SGCZ: variants seen among roughly 807,000 people sequenced by gnomAD.
SGCZ encodes the protein sarcoglycan zeta.
Under a neutral mutation model 41.3 loss-of-function variants are expected in SGCZ, and 40 were observed. The ratio of observed to expected loss-of-function variants is 0.97; its 90% confidence interval spans 0.75 to 1.26. The LOEUF (loss-of-function observed/expected upper bound fraction) is 1.26, where lower values mean the gene tolerates loss of function less well. SGCZ is among the 50% of genes most tolerant of loss of function. The probability of loss-of-function intolerance (pLI) is 0.00; values close to 1 mark genes in which losing one functional copy is unlikely to be tolerated. For synonymous variants in SGCZ, 206 were observed against 137.5 expected (o/e 1.50, Z -3.49); for missense variants, 552 against 369.8 (o/e 1.49, Z -4.04).
intron 1 of SGCZ, among the ~76,000 whole-genome samples, chr8:14,776,922 G>T (rs1800421638): frequency 6.6e-6 from 1 of 152,168 alleles, no homozygotes; most frequent in African/African-American, 2.4e-5. Context: ...ACAATCCCTT[G>T]ATGTATACCA....
intron 1 of SGCZ, among the ~76,000 whole-genome samples, chr8:14,769,700 G>A (rs752907883): frequency 6.7e-5 from 10 of 149,518 alleles, no homozygotes; most frequent in Non-Finnish European, 1.3e-4. Flanking sequence ...GCTGAGTCAG[G>A]AGAATCATCA....
intron 1 of SGCZ, among the ~76,000 whole-genome samples, chr8:14,941,880 T>A (rs1322539931): frequency 6.6e-6 from 1 of 151,588 alleles, no homozygotes; most frequent in African/African-American, 2.4e-5. Flanking sequence ...ATATTTTATA[T>A]ATATGTTATA....
At chr8:15,229,653 G>T (rs1249842779) in intron 1 of SGCZ, among the ~76,000 whole-genome samples, 1 of 152,168 alleles carries the variant, frequency 6.6e-6, no homozygotes, top group Non-Finnish European at 1.5e-5. Flanking sequence ...TTATTTCCTT[G>T]AATTAGTTTC....
intron 2 of SGCZ, among the ~76,000 whole-genome samples, chr8:14,398,545 G>T (rs1798981355): frequency 6.6e-6 from 1 of 152,124 alleles, no homozygotes; most frequent in Non-Finnish European, 1.5e-5. Context: ...GTTTATTTGG[G>T]GTAAGGTTGA....
intron 1 of SGCZ, among the ~76,000 whole-genome samples, chr8:14,717,227 A>G (rs1480913409): frequency 6.6e-6 from 1 of 152,130 alleles, no homozygotes; most frequent in Non-Finnish European, 1.5e-5. Flanking sequence ...ATCAATAATT[A>G]TTTTATATTT....
At chr8:14,671,034 C>T (rs1808083714) in intron 1 of SGCZ, among the ~76,000 whole-genome samples, 1 of 152,186 alleles carries the variant, frequency 6.6e-6, no homozygotes, top group Non-Finnish European at 1.5e-5. Flanking sequence ...TGTGCTGAAG[C>T]TTTGGTTGGG....
chr8:14,637,718 A>G (rs1806880982), intron 1 of SGCZ, among the ~76,000 whole-genome samples: 1 of 151,666 alleles, frequency 6.6e-6, no homozygotes, highest in Non-Finnish European at 1.5e-5. Context: ...TATCTAACCC[A>G]CTGTCAATGA....
chr8:14,722,993 G>T (rs562785724), intron 1 of SGCZ, among the ~76,000 whole-genome samples: 3 of 152,088 alleles, frequency 2.0e-5, no homozygotes, highest in Non-Finnish European at 4.4e-5. Context: ...TTCAAGTCAC[G>T]CAGATTCTAA....
At chr8:14,557,121 C>T (rs6989884) in intron 1 of SGCZ, among the ~76,000 whole-genome samples, 15,537 of 151,850 alleles carry the variant, frequency 0.1, 1,026 homozygotes, top group East Asian at 0.35. Context: ...TTGATTATGG[C>T]CATTTTTGAG....
chr8:14,587,389 A>AAAT (rs201884823), intron 1 of SGCZ, among the ~76,000 whole-genome samples: 55 of 148,544 alleles, frequency 3.7e-4, no homozygotes, highest in Admixed American at 1.9e-3. Context: ...AAAAAAAAAA[A>AAAT]GTTTGGGTGT....
rs541911263 is a variant in SGCZ, at chr8:14,458,250, C to A, written c.234+96482G>T. 1.1e-4 allele frequency among the ~76,000 whole-genome samples: 16 copies of A among 152,152 alleles called. 1 individual carries two copies. In the South Asian group the frequency reaches 3.3e-3, roughly 32 times the overall value. On this transcript the variant is annotated intron_variant, in intron 2 of 7. Coordinates refer to ENST00000382080, the MANE Select transcript of SGCZ (RefSeq NM_139167.4). ...TTAAAAAATGAAACTAGCTATATTACAAATGAAAAACGTAAGCACACAAAT... is the reference window on the plus strand; with the variant it reads ...TTAAAAAATGAAACTAGCTATATTAAAAATGAAAAACGTAAGCACACAAAT...
rs143366997 is a variant in SGCZ, at chr8:14,708,504, G to C, written c.40-153578C>G. 7.9e-5 allele frequency among the ~76,000 whole-genome samples: 12 copies of C among 151,320 alleles called. 1 individual carries two copies. The highest frequency in any genetic ancestry group is 2.9e-4 in the African/African-American group (12 of 41,230). ...CCACAGCAATAAACATTCAGATACA[G>C]ACATTTGCCATTTATTGCTGATTCT... On this transcript the variant is annotated intron_variant, in intron 1 of 7. Transcript: ENST00000382080.
chr8:14,236,649 A>G (rs28549841), intron 4 of SGCZ, among the ~76,000 whole-genome samples: 7,043 of 151,506 alleles, frequency 0.046, 464 homozygotes, highest in African/African-American at 0.14. Flanking sequence ...CCTCTTTCTC[A>G]TTCTCTCTCT....
chr8:14,119,461 G>T (rs1299837089), intron 5 of SGCZ, among the ~76,000 whole-genome samples: 1 of 152,126 alleles, frequency 6.6e-6, no homozygotes, highest in Non-Finnish European at 1.5e-5. Flanking sequence ...GAGATTTTGG[G>T]CTCAGACAGT....
chr8:15,002,569 A>C (rs1177746812), intron 1 of SGCZ, among the ~76,000 whole-genome samples: 1 of 152,106 alleles, frequency 6.6e-6, no homozygotes, highest in East Asian at 1.9e-4. Context: ...AAACACAATA[A>C]AAATTGAAGT....
At chr8:14,644,581 G>A (rs909593036) in intron 1 of SGCZ, among the ~76,000 whole-genome samples, 4 of 151,632 alleles carry the variant, frequency 2.6e-5, no homozygotes, top group African/African-American at 7.3e-5. Context: ...ATCCTGATTC[G>A]AAAATCAATG....
At chr8:15,165,438 G>C (rs1799637376) in intron 1 of SGCZ, among the ~76,000 whole-genome samples, 1 of 152,180 alleles carries the variant, frequency 6.6e-6, no homozygotes, top group African/African-American at 2.4e-5. Context: ...AGCAAGGTTT[G>C]CCAGGTGTTT....
At chr8:15,146,022 T>C (rs1799025878) in intron 1 of SGCZ, among the ~76,000 whole-genome samples, 1 of 152,108 alleles carries the variant, frequency 6.6e-6, no homozygotes, top group South Asian at 2.1e-4. Flanking sequence ...AGCATCCCTC[T>C]CTCTGCTCTG....
intron 2 of SGCZ, among the ~76,000 whole-genome samples, chr8:14,470,581 T>C (rs546351371): frequency 3.9e-5 from 6 of 152,140 alleles, no homozygotes; most frequent in African/African-American, 1.2e-4. Flanking sequence ...GAAAAAATCA[T>C]GTTTAGGAAA....
Sources: gnomAD v4.1 joint callset for allele counts (sites outside exome capture counted in the v4.1 genomes callset) on GRCh38, gnomAD v4.1.1 for gene constraint, MANE v1.5 for transcripts, NCBI Gene and HGNC (gene_info 2026-07-23, HGNC 2026-07-21) for gene names.